Variants in FRMD5 observed in about 807,000 individuals in gnomAD.
The protein encoded by FRMD5 is FERM domain containing 5, also known as FERM domain-containing protein 5.
A neutral mutation model predicts 69.0 loss-of-function variants in FRMD5; 20 were observed. The observed-to-expected ratio is 0.29, with a 90% CI of 0.20 to 0.42. The LOEUF (loss-of-function observed/expected upper bound fraction) is 0.42. Ranked by LOEUF, FRMD5 falls within the 10% of genes least tolerant of loss-of-function variation. The pLI, the probability that FRMD5 is intolerant of heterozygous loss-of-function variation, is 1.00. For synonymous variants in FRMD5, 271 were observed against 260.1 expected (o/e 1.04, Z -0.40); for missense variants, 595 against 708.6 (o/e 0.84, Z 1.82).
intron 1 of FRMD5, among the ~76,000 whole-genome samples, chr15:43,941,004 T>C (rs1036535213): frequency 6.6e-6 from 1 of 152,190 alleles, no homozygotes; most frequent in Non-Finnish European, 1.5e-5. Flanking sequence ...CCCTATGTTT[T>C]AAAAAAATGT....
chr15:44,132,735 A>AATGTATGT lies in FRMD5; in HGVS notation c.102+62210_102+62217dup, dbSNP rs556557718. The stretch of plus-strand genomic sequence containing the variant: ...TGAACCATCATGCCTGGACATCATG[A>AATGTATGT]ATGTATGTATGTATGTATGTATGTA... On this transcript the variant is annotated intron_variant, in intron 1 of 13. Transcript: ENST00000417257. Among the ~76,000 whole-genome samples, 463 of 118,112 alleles carry AATGTATGT rather than the reference A, an allele frequency of 3.9e-3. 3 individuals carry two copies. Among genetic ancestry groups the AATGTATGT allele is most frequent in the African/African-American group, 0.012 (429 of 36,270 alleles). The allele number at this position is 118,112 out of a possible 152,430, so 77.5% of individuals were successfully genotyped here.
intron 1 of FRMD5, among the ~76,000 whole-genome samples, chr15:44,100,317 G>A (rs1373536843): frequency 2.6e-5 from 4 of 151,272 alleles, no homozygotes; most frequent in Admixed American, 2.6e-4. Flanking sequence ...TTGGCCTCCC[G>A]AAGTGCTGGG....
intron 1 of FRMD5, among the ~76,000 whole-genome samples, chr15:44,094,249 A>G (rs1051861949): frequency 6.6e-6 from 1 of 152,176 alleles, no homozygotes; most frequent in Non-Finnish European, 1.5e-5. Context: ...CTGTATATAG[A>G]TAAGAGGCAG....
At chr15:43,960,885 T>A (rs1190229758) in intron 1 of FRMD5, among the ~76,000 whole-genome samples, 1 of 152,166 alleles carries the variant, frequency 6.6e-6, no homozygotes, top group East Asian at 1.9e-4. Context: ...AGTCTAATCT[T>A]GTATTTGAAA....
intron 1 of FRMD5, among the ~76,000 whole-genome samples, chr15:44,109,177 T>A (rs1489572433): frequency 6.6e-6 from 1 of 152,074 alleles, no homozygotes; most frequent in Non-Finnish European, 1.5e-5. Context: ...TTTCTAAAAT[T>A]GGTCTCATCA....
intron 1 of FRMD5, among the ~76,000 whole-genome samples, chr15:44,071,425 T>TAAACAAAACAAAACA (rs140305798): frequency 6.3e-4 from 95 of 151,196 alleles, no homozygotes; most frequent in African/African-American, 1.8e-3. Context: ...AGACCCTGTC[T>TAAACAAAACAAAACA]AAACAAAACA....
intron 1 of FRMD5, among the ~76,000 whole-genome samples, chr15:44,007,984 G>C (rs780625703): frequency 2.6e-5 from 4 of 151,682 alleles, no homozygotes; most frequent in African/African-American, 4.8e-5. Context: ...CTCTGTTGTT[G>C]TGGCTAGAGT....
rs376551662 is a variant in FRMD5, at chr15:43,962,352, C to T, written c.103-38043G>A. 2.1e-3 allele frequency among the ~76,000 whole-genome samples: 318 copies of T among 152,162 alleles called. 5 individuals carry two copies. In the East Asian group the frequency reaches 0.034, roughly 16 times the overall value. On this transcript the variant is annotated intron_variant, in intron 1 of 13. Transcript: ENST00000417257. ...ACCTAGGAATCCAACTTACAAGGGA[C>T]GTGAAGGACCTCTTCAAGGAGAACT...
chr15:43,892,849 A>C (rs1216222823), intron 7 of FRMD5, among the ~76,000 whole-genome samples: 2 of 152,236 alleles, frequency 1.3e-5, no homozygotes, highest in African/African-American at 2.4e-5. Flanking sequence ...CGTGCTTATA[A>C]TCCCAGCACT....
chr15:43,942,863 G>C (rs1194317873), intron 1 of FRMD5, among the ~76,000 whole-genome samples: 1 of 152,202 alleles, frequency 6.6e-6, no homozygotes, highest in Non-Finnish European at 1.5e-5. Flanking sequence ...GGGCTCAAGA[G>C]AGCCTCCTAT....
At chr15:44,005,159 G>C (rs1357409160) in intron 1 of FRMD5, among the ~76,000 whole-genome samples, 1 of 152,200 alleles carries the variant, frequency 6.6e-6, no homozygotes, top group Non-Finnish European at 1.5e-5. Flanking sequence ...GAAGCCATCT[G>C]TATTAAGTCC....
chr15:44,127,986 G>A (rs1212759127), intron 1 of FRMD5, among the ~76,000 whole-genome samples: 1 of 152,108 alleles, frequency 6.6e-6, no homozygotes, highest in Non-Finnish European at 1.5e-5. Flanking sequence ...TTTCCCTTTT[G>A]CTTATGCTTC....
chr15:44,027,059 C>T (rs2140271516), intron 1 of FRMD5, among the ~76,000 whole-genome samples: 1 of 152,286 alleles, frequency 6.6e-6, no homozygotes, highest in African/African-American at 2.4e-5. Context: ...TGCATCCACA[C>T]AAATAAAGAC....
chr15:43,949,839 A>C (rs981092621), intron 1 of FRMD5, among the ~76,000 whole-genome samples: 4 of 152,150 alleles, frequency 2.6e-5, no homozygotes, highest in Admixed American at 2.0e-4. Flanking sequence ...GTGATCTCTC[A>C]AGTCGTGCTG....
In FRMD5 at chr15:44,102,569, T is replaced by C. The variant is rs912030105; in HGVS notation, c.102+92384A>G. On this transcript the variant is annotated intron_variant, in intron 1 of 13. Coordinates refer to ENST00000417257, the MANE Select transcript of FRMD5 (RefSeq NM_032892.5). ...TCCATAGGAAAAGGAAAGAAAGAAA[T>C]TGTCCTAGCTTGGAATTAAATATAG... 2.0e-5 allele frequency among the ~76,000 whole-genome samples: 3 copies of C among 152,106 alleles called. No individual in the cohort carries two copies. The East Asian group carries it at 5.8e-4, about 29-fold the overall frequency.
intron 1 of FRMD5, among the ~76,000 whole-genome samples, chr15:44,163,932 G>A (rs1231748169): frequency 6.6e-6 from 1 of 152,102 alleles, no homozygotes; most frequent in African/African-American, 2.4e-5. Flanking sequence ...ATTAAATGTT[G>A]ACAGACATCA....
intron 1 of FRMD5, among the ~76,000 whole-genome samples, chr15:44,124,415 T>C (rs1431526856): frequency 6.6e-6 from 1 of 151,642 alleles, no homozygotes; most frequent in Non-Finnish European, 1.5e-5. Flanking sequence ...AAAATAAAGA[T>C]GTTCTTGTGG....
At chr15:43,959,023 C>G (rs964038133) in intron 1 of FRMD5, among the ~76,000 whole-genome samples, 2 of 152,188 alleles carry the variant, frequency 1.3e-5, no homozygotes, top group Non-Finnish European at 2.9e-5. Flanking sequence ...TGAAAAAAAG[C>G]CTTCTCAAGC....
chr15:44,160,000 A>T (rs544564400), intron 1 of FRMD5, among the ~76,000 whole-genome samples: 75 of 152,352 alleles, frequency 4.9e-4, no homozygotes, highest in Non-Finnish European at 8.2e-4. Context: ...GCCAAAGATG[A>T]ATAAGTAGCA....
Sources: gnomAD v4.1 joint callset for allele counts (sites outside exome capture counted in the v4.1 genomes callset) on GRCh38, gnomAD v4.1.1 for gene constraint, MANE v1.5 for transcripts, NCBI Gene and HGNC (gene_info 2026-07-23, HGNC 2026-07-21) for gene names.